Variants in RNF150 observed in about 807,000 individuals in gnomAD.
The protein encoded by RNF150 is ring finger protein 150.
Under a neutral mutation model 39.3 loss-of-function variants are expected in RNF150, and 24 were observed. The ratio of observed to expected loss-of-function variants is 0.61; its 90% CI spans 0.44 to 0.86. The LOEUF (loss-of-function observed/expected upper bound fraction) is 0.86. Among genes scored for constraint, RNF150 ranks in the 40% least tolerant of loss-of-function variants. The pLI is 0.00. For missense variants in RNF150, 502 were observed against 587.8 expected (o/e 0.85, Z 1.51); for synonymous variants, 255 against 227.3 (o/e 1.12, Z -1.10).
intron 1 of RNF150, among the ~76,000 whole-genome samples, chr4:141,204,018 T>C (rs1347463062): frequency 6.6e-6 from 1 of 152,162 alleles, no homozygotes; most frequent in Non-Finnish European, 1.5e-5. Flanking sequence ...AATGCAGCCA[T>C]TCAGGAACTG....
chr4:141,054,064 A>G (rs2042631), intron 1 of RNF150, among the ~76,000 whole-genome samples: 5,146 of 152,298 alleles, frequency 0.034, 225 homozygotes, highest in East Asian at 0.23. Context: ...CCCAAAGCTA[A>G]CACAATTCTT....
chr4:141,127,904 T>A (rs1435634283), intron 1 of RNF150, among the ~76,000 whole-genome samples: 1 of 152,220 alleles, frequency 6.6e-6, no homozygotes. Flanking sequence ...ACAGCCTGCA[T>A]ACACAGACTA....
At chr4:141,013,555 C>T (rs534514130) in intron 1 of RNF150, among the ~76,000 whole-genome samples, 8 of 152,174 alleles carry the variant, frequency 5.3e-5, no homozygotes, top group Non-Finnish European at 1.0e-4. Context: ...ATCCTCTTTA[C>T]ACAAAATTTC....
At chr4:141,083,974 T>C (rs544607467) in intron 1 of RNF150, among the ~76,000 whole-genome samples, 4 of 152,360 alleles carry the variant, frequency 2.6e-5, no homozygotes, top group African/African-American at 9.6e-5. Context: ...CATATACACC[T>C]AATTTCTATT....
chr4:141,103,498 C>T (rs181284596), intron 1 of RNF150, among the ~76,000 whole-genome samples: 5 of 152,290 alleles, frequency 3.3e-5, no homozygotes, highest in Admixed American at 1.3e-4. Context: ...ATAATGCTTG[C>T]TACTGTGGGT....
chr4:141,053,345 A>C (rs1160385624), intron 1 of RNF150, among the ~76,000 whole-genome samples: 1 of 152,194 alleles, frequency 6.6e-6, no homozygotes, highest in Non-Finnish European at 1.5e-5. Context: ...TATTAAACCA[A>C]CCCAAGGACA....
At chr4:141,044,410 T>A (rs1028549744) in intron 1 of RNF150, among the ~76,000 whole-genome samples, 3 of 152,140 alleles carry the variant, frequency 2.0e-5, no homozygotes, top group Admixed American at 6.5e-5. Context: ...GAACTCTGGG[T>A]CTACATCAAA....
At chr4:141,196,318 A>G (rs887001119) in intron 1 of RNF150, among the ~76,000 whole-genome samples, 2 of 152,268 alleles carry the variant, frequency 1.3e-5, no homozygotes, top group East Asian at 3.9e-4. Flanking sequence ...CTGTCTTTCT[A>G]TAGCAAAGGG....
chr4:140,910,605 G>C (rs898935763), intron 6 of RNF150, among the ~76,000 whole-genome samples: 1 of 152,188 alleles, frequency 6.6e-6, no homozygotes, highest in Non-Finnish European at 1.5e-5. Context: ...GCCATCTAAA[G>C]GGATGCCATT....
intron 1 of RNF150, among the ~76,000 whole-genome samples, chr4:141,159,423 A>G (rs780910498): frequency 3.9e-5 from 6 of 152,220 alleles, no homozygotes; most frequent in Non-Finnish European, 7.3e-5. Flanking sequence ...ACTCTCAGCC[A>G]TATGAGTTTT....
chr4:141,088,702 C>CACACAT (rs1553945777), intron 1 of RNF150, among the ~76,000 whole-genome samples: 2 of 151,592 alleles, frequency 1.3e-5, no homozygotes, highest in East Asian at 3.9e-4. Context: ...CACACACACA[C>CACACAT]ACACACTTGA....
At chr4:141,196,534 A>C (rs1047591060) in intron 1 of RNF150, among the ~76,000 whole-genome samples, 2 of 152,180 alleles carry the variant, frequency 1.3e-5, no homozygotes, top group African/African-American at 4.8e-5. Flanking sequence ...TTTGATTTTG[A>C]GAATTGCTCC....
intron 1 of RNF150, among the ~76,000 whole-genome samples, chr4:141,055,030 A>C (rs1203922480): frequency 6.6e-6 from 1 of 152,158 alleles, no homozygotes; most frequent in African/African-American, 2.4e-5. Flanking sequence ...ATTAAAGTGA[A>C]ACAACTTTGG....
At chr4:141,100,951 C>T (rs769234430) in intron 1 of RNF150, among the ~76,000 whole-genome samples, 3 of 152,108 alleles carry the variant, frequency 2.0e-5, no homozygotes, top group South Asian at 2.1e-4. Context: ...ATGGTACACC[C>T]GTTTAGGGCA....
At chr4:140,888,379 T>C (rs1184676499) in intron 6 of RNF150, among the ~76,000 whole-genome samples, 1 of 152,188 alleles carries the variant, frequency 6.6e-6, no homozygotes, top group Non-Finnish European at 1.5e-5. Flanking sequence ...GACAATCTAA[T>C]GGATTTTATC....
At chr4:140,901,814 A>C (rs948016180) in intron 6 of RNF150, among the ~76,000 whole-genome samples, 1 of 152,196 alleles carries the variant, frequency 6.6e-6, no homozygotes, top group African/African-American at 2.4e-5. Flanking sequence ...AGCAGAGAAA[A>C]TATCTCAGAG....
At chr4:140,987,449 C>G (rs1734052989) in intron 1 of RNF150, among the ~76,000 whole-genome samples, 1 of 152,050 alleles carries the variant, frequency 6.6e-6, no homozygotes, top group African/African-American at 2.4e-5. Context: ...ATAGAGAACT[C>G]AGAAATAATG....
chr4:141,014,208 A>G (rs1735178056), intron 1 of RNF150, among the ~76,000 whole-genome samples: 1 of 152,180 alleles, frequency 6.6e-6, no homozygotes, highest in Non-Finnish European at 1.5e-5. Flanking sequence ...CATTATGTAC[A>G]TATATGCAAT....
At chr4:140,912,842 A>G (rs934769265) in intron 5 of RNF150, among the ~76,000 whole-genome samples, 1 of 152,030 alleles carries the variant, frequency 6.6e-6, no homozygotes, top group African/African-American at 2.4e-5. Flanking sequence ...AAATTTACTC[A>G]TTGACATTGG....
Sources: gnomAD v4.1 joint callset for allele counts (sites outside exome capture counted in the v4.1 genomes callset) on GRCh38, gnomAD v4.1.1 for gene constraint, MANE v1.5 for transcripts, NCBI Gene and HGNC (gene_info 2026-07-23, HGNC 2026-07-21) for gene names.